Variants in HAS1 observed in about 807,000 individuals in gnomAD.
HAS1 encodes HA synthase 1.
Under a neutral mutation model 35.0 loss-of-function variants are expected in HAS1, and 27 were observed. That is an observed-to-expected ratio of 0.77 (90% CI 0.57 to 1.06). The LOEUF (loss-of-function observed/expected upper bound fraction) is 1.06. Ranked by LOEUF, HAS1 falls within the 50% of genes least tolerant of loss-of-function variation. The pLI is 0.00. For missense variants in HAS1, 940 were observed against 814.8 expected (o/e 1.15, Z -1.87); for synonymous variants, 409 against 371.2 (o/e 1.10, Z -1.17).
At position 51,713,726 on chromosome 19, in the gene HAS1, G is replaced by C; in HGVS notation, c.1435C>G (p.Leu479Val). The C allele has an allele frequency of 2.5e-6, 4 of 1,607,232 alleles. No homozygotes were observed. Among genetic ancestry groups the C allele is most frequent in the Non-Finnish European group, 1.7e-6 (2 of 1,177,162 alleles). Residue 479 changes from leucine (L) to valine (V), a missense_variant, in exon 5 of 5, where the codon CTA becomes GTA. Transcript: ENST00000540069. This position sits in a 1 kb window ranked among gnomAD's most constrained non-coding sequence, Gnocchi z 4.5. ...CAGCCACTCTGGTTCATGGTGACTA[G>C]CGCCAGGAACTTGGCAGGCAGGAGG... is the stretch of plus-strand genomic sequence containing the variant. The part of the protein sequence containing the change: ...CGLLPAKFLA[L>V]VTMNQSGWGT...
chr19:51,719,932 TCCCGGGCGCATGAGC>T, intron 1 of HAS1, 37 bp from the exon 2 acceptor site: 1 of 1,383,568 alleles, frequency 7.2e-7, no homozygotes, highest in Non-Finnish European at 9.8e-7. Flanking sequence ...GGGGCATGAG[TCCCGGGCGCATGAGC>T]CTCCTCCGAG....
rs770298418 is a variant in HAS1, at chr19:51,716,349, G to C, written c.965C>G (p.Ala322Gly). 3.1e-5 allele frequency: 50 copies of C among 1,613,508 alleles called. 1 individual carries two copies. In the South Asian group the frequency reaches 3.5e-4, roughly 11 times the overall value. The change falls in exon 4 of 5, where the codon GCC becomes GGC. Residue 322 changes from alanine to glycine, a missense_variant. Physicochemically the swap from Ala to Gly is moderately conservative, Grantham distance 60. Coordinates refer to ENST00000540069, the MANE Select transcript of HAS1 (RefSeq NM_001297436.2). ...ACCCAGGAACTTCTGGTTGTACCAG[G>C]CCTCAAGAAACTGCTGCAAGAGGTT... is the stretch of plus-strand genomic sequence containing the variant. Reference protein sequence around the residue: ...RNNLLQQFLEAWYNQKFLGTH... With the variant: ...RNNLLQQFLEGWYNQKFLGTH...
chr19:51,713,357 G>C lies in HAS1; in HGVS notation c.*70C>G. The C allele has an allele frequency of 1.4e-6, 2 of 1,381,146 alleles. No homozygotes were observed. Among genetic ancestry groups the C allele is most frequent in the Non-Finnish European group, 1.9e-6 (2 of 1,055,790 alleles). 85.6% of individuals were successfully genotyped at this position (1,381,146 alleles called of 1,614,324 possible). ...CCAGAGAACCACCCAGCAAGTTCGTGGCTCGGGGCCCAGCAGCTCTCCTCT... is the reference window on the plus strand; with the variant it reads ...CCAGAGAACCACCCAGCAAGTTCGTCGCTCGGGGCCCAGCAGCTCTCCTCT... On this transcript the variant is annotated 3_prime_UTR_variant, in exon 5 of 5. Transcript: ENST00000540069. This position sits in a 1 kb window ranked among gnomAD's most constrained non-coding sequence, Gnocchi z 4.5.
chr19:51,723,422 C>A (rs1216862889), intron 1 of HAS1, among the ~76,000 whole-genome samples: 1 of 152,200 alleles, frequency 6.6e-6, no homozygotes, highest in African/African-American at 2.4e-5. Context: ...CAAGCTGATA[C>A]TGAACCAGAT....
intron 1 of HAS1, among the ~76,000 whole-genome samples, chr19:51,721,883 G>A (rs923556858): frequency 1.1e-4 from 16 of 152,126 alleles, no homozygotes; most frequent in African/African-American, 3.6e-4. Flanking sequence ...GATTATAGGC[G>A]TGAGCTACTG....
At chr19:51,722,502 ATATCT>A (rs1284596856) in intron 1 of HAS1, among the ~76,000 whole-genome samples, 3 of 152,226 alleles carry the variant, frequency 2.0e-5, no homozygotes, top group African/African-American at 7.2e-5. Flanking sequence ...TGAAATGATC[ATATCT>A]TATATGTAGC....
At chr19:51,720,589 C>T (rs550669794) in intron 1 of HAS1, among the ~76,000 whole-genome samples, 42 of 152,004 alleles carry the variant, frequency 2.8e-4, no homozygotes, top group Non-Finnish European at 4.9e-4. Flanking sequence ...AACTCCTAGG[C>T]TCTGGCGATT....
intron 3 of HAS1, 76 bp downstream of exon 3, chr19:51,716,892 C>T: frequency 1.0e-6 from 1 of 999,388 alleles, no homozygotes; most frequent in Non-Finnish European, 1.6e-6. Context: ...ACCCCAGTCA[C>T]ATCCTCAGCC....
In HAS1 at chr19:51,713,845, C is replaced by G. The variant is rs945513495; in HGVS notation, c.1316G>C (p.Gly439Ala). 2.5e-6 allele frequency: 4 copies of G among 1,607,316 alleles called. No individual in the cohort carries two copies. The highest frequency in any genetic ancestry group is 2.7e-5 in the African/African-American group (2 of 75,026). The stretch of plus-strand genomic sequence containing the variant: ...GAAGGCCGCCTTGGCCAGTGCCACG[C>G]CCTGCACGCACAGCAGCACCCACAG... Reference protein sequence around the residue: ...ALLWVLLCVQGVALAKAAFAA... With the variant: ...ALLWVLLCVQAVALAKAAFAA... Residue 439 changes from glycine to alanine, a missense_variant, in exon 5 of 5, where the codon GGC becomes GCC. By Grantham distance (60) the Gly-to-Ala change is moderately conservative (BLOSUM62 0). Transcript: ENST00000540069. The surrounding 1 kb of genome is among the most constrained non-coding windows in gnomAD (Gnocchi z 4.5).
At chr19:51,718,409 C>T (rs1311944680) in intron 2 of HAS1, among the ~76,000 whole-genome samples, 2 of 152,022 alleles carry the variant, frequency 1.3e-5, no homozygotes, top group African/African-American at 2.4e-5. Context: ...GGGAACAAAT[C>T]TCCACATTTA....
intron 3 of HAS1, 99 bp downstream of exon 3, chr19:51,716,869 A>G: frequency 1.2e-6 from 1 of 842,210 alleles, no homozygotes; most frequent in Admixed American, 1.7e-5. Flanking sequence ...GCCCTGCTGC[A>G]TCTTTGTTCC....
chr19:51,715,201 G>A (rs1440601768), intron 4 of HAS1, among the ~76,000 whole-genome samples: 2 of 152,042 alleles, frequency 1.3e-5, no homozygotes, highest in Non-Finnish European at 2.9e-5. Context: ...TACCCAAAAC[G>A]GCTGCCAGAG....
At position 51,719,323 on chromosome 19, in the gene HAS1, T is replaced by C; in HGVS notation, c.582A>G (p.Ala194=). The C allele has an allele frequency of 6.2e-7, 1 of 1,612,470 alleles. No individual in the cohort carries two copies. Among genetic ancestry groups the C allele is most frequent in the South Asian group, 1.1e-5 (1 of 90,862 alleles). ...EVEAEDPGRL[A]VEALVRTRRC... Reference sequence around the variant, plus strand: ...TGCGAGTCCTCACCAGCGCCTCCACTGCCAGCCGCCCAGGATCCTCCGCCT... The same window carrying C: ...TGCGAGTCCTCACCAGCGCCTCCACCGCCAGCCGCCCAGGATCCTCCGCCT... The change falls in exon 2 of 5, where the codon GCA becomes GCG. Residue 194 remains alanine, a synonymous_variant. Transcript: ENST00000540069.
intron 2 of HAS1, among the ~76,000 whole-genome samples, chr19:51,718,366 G>A (rs952613705): frequency 6.6e-6 from 1 of 152,080 alleles, no homozygotes; most frequent in Non-Finnish European, 1.5e-5. Flanking sequence ...ACTGAAGGAG[G>A]GGAAAGGAAG....
Position 51,715,098 on chromosome 19 carries a change from T to C in HAS1, c.1059-996A>G, listed in dbSNP as rs558874206. On this transcript the variant is annotated intron_variant, in intron 4 of 4. Coordinates refer to ENST00000540069, the MANE Select transcript of HAS1 (RefSeq NM_001297436.2). ...CCAAGCCCACACAAGAGGAGAATCC[T>C]GGGCATTACTTGACAGTGTCCAGAC... Among the ~76,000 whole-genome samples the C allele has an allele frequency of 2.0e-5, 3 of 152,268 alleles. No homozygotes were observed. The East Asian group carries it at 5.8e-4, about 29-fold the overall frequency.
intron 3 of HAS1, 51 bp from the exon 4 acceptor site, chr19:51,716,439 C>G (rs1167617311): frequency 6.5e-7 from 1 of 1,543,962 alleles, no homozygotes; most frequent in Admixed American, 1.8e-5. Flanking sequence ...GTCACCAACA[C>G]CAACTCCAAT....
chr19:51,713,210 A>G lies in HAS1; in HGVS notation c.*217T>C. The G allele has an allele frequency of 2.3e-6, 1 of 443,422 alleles. No homozygotes were observed. Among genetic ancestry groups the G allele is most frequent in the Non-Finnish European group, 3.9e-6 (1 of 255,166 alleles). 27.5% of individuals were successfully genotyped at this position (443,422 alleles called of 1,614,324 possible). ...GCAGGACCCTTTCCCTCCACTCCTC[A>G]GATCCCACACCCTGACCAATAAATA... On this transcript the variant is annotated 3_prime_UTR_variant, in exon 5 of 5. Transcript: ENST00000540069. This position sits in a 1 kb window ranked among gnomAD's most constrained non-coding sequence, Gnocchi z 4.5.
intron 1 of HAS1, 83 bp downstream of exon 1, chr19:51,723,842 C>T (rs552870080): frequency 3.1e-5 from 40 of 1,273,682 alleles, no homozygotes; most frequent in African/African-American, 5.8e-5. Flanking sequence ...CCCCAACACA[C>T]GTGGTCACAC....
At chr19:51,718,404 C>T (rs1240666515) in intron 2 of HAS1, among the ~76,000 whole-genome samples, 7 of 151,902 alleles carry the variant, frequency 4.6e-5, no homozygotes, top group African/African-American at 1.5e-4. Flanking sequence ...AGAAAGGGAA[C>T]AAATCTCCAC....
Sources: gnomAD v4.1 joint callset for allele counts (sites outside exome capture counted in the v4.1 genomes callset) on GRCh38, gnomAD v4.1.1 for gene constraint, Gnocchi (gnomAD v3.1) non-coding constraint, MANE v1.5 for transcripts, NCBI Gene and HGNC (gene_info 2026-07-23, HGNC 2026-07-21) for gene names.